PCYT2: variants seen among roughly 807,000 people sequenced by gnomAD.
PCYT2 encodes ethanolamine-phosphate cytidylyltransferase.
In PCYT2, 33 loss-of-function variants were observed where a neutral mutation model predicts 50.0. The ratio of observed to expected loss-of-function variants is 0.66; its 90% CI spans 0.50 to 0.88. The LOEUF is 0.88. PCYT2 is among the 40% of genes least tolerant of loss of function. The pLI is 0.00. For missense variants in PCYT2, 430 were observed against 519.7 expected (o/e 0.83, Z 1.68); for synonymous variants, 240 against 203.7 (o/e 1.18, Z -1.52).
In PCYT2 at chr17:81,902,998, G is replaced by A. The variant is rs1227817185; in HGVS notation, c.*1835C>T. The A allele has an allele frequency of 2.0e-6, 1 of 498,688 alleles. No homozygotes were observed. The allele number at this position is 498,688 out of a possible 1,614,324, so 30.9% of individuals were successfully genotyped here. A position where few individuals can be genotyped will look rare whatever the true frequency, so the allele number is the denominator to read the frequency against. On this transcript the variant is annotated 3_prime_UTR_variant, in exon 13 of 13. Transcript: ENST00000538936. Reference sequence around the variant, plus strand: ...GGTATGAGAAGGCAGCCGAGTGTGCGGCGGCAGGGCAAGGTTGGCCTGGGC... The same window carrying A: ...GGTATGAGAAGGCAGCCGAGTGTGCAGCGGCAGGGCAAGGTTGGCCTGGGC...
rs1293463638 is a variant in PCYT2 at position 81,901,452 on chromosome 17, A to G, written c.*3381T>C. 2.0e-5 allele frequency: 3 copies of G among 152,342 alleles called. No homozygotes were observed. Among genetic ancestry groups the G allele is most frequent in the Non-Finnish European group, 2.9e-5 (2 of 68,126 alleles). The allele number at this position is 152,342 out of a possible 1,614,324, so 9.4% of individuals were successfully genotyped here. ...GTCAAGCTGACACTCAGCATTCACC[A>G]TCACACCTGGGAAGCATGGAACCCA... On this transcript the variant is annotated 3_prime_UTR_variant, in exon 13 of 13. Coordinates refer to ENST00000538936, the MANE Select transcript of PCYT2 (RefSeq NM_002861.5).
At chr17:81,907,899 C>T (rs779048437) in intron 4 of PCYT2, 42 bp from the exon 5 acceptor site, 28 of 1,519,244 alleles carry the variant, frequency 1.8e-5, no homozygotes, top group Non-Finnish European at 2.2e-5. Flanking sequence ...CTGGGACACT[C>T]GCAAGGCTCT....
chr17:81,907,931 G>C, intron 4 of PCYT2, 74 bp from the exon 5 acceptor site: 1 of 1,250,736 alleles, frequency 8.0e-7, no homozygotes, highest in African/African-American at 1.5e-5. Context: ...CCACCACTAG[G>C]GACACTAGCA....
chr17:81,906,341 A>T, intron 8 of PCYT2, 123 bp downstream of exon 8: 1 of 1,149,836 alleles, frequency 8.7e-7, no homozygotes, highest in Non-Finnish European at 1.3e-6. Context: ...ATCACCCCCC[A>T]GGGTCTCCTG....
intron 1 of PCYT2, chr17:81,910,797 C>T (rs113129476): frequency 7.0e-5 from 51 of 732,624 alleles, no homozygotes; most frequent in Non-Finnish European, 8.2e-5. Context: ...TGCCCTCTGA[C>T]TGGCCAGGGA....
chr17:81,907,263 A>G (rs376970397), intron 6 of PCYT2: 71 of 1,532,406 alleles, frequency 4.6e-5, no homozygotes, highest in African/African-American at 2.7e-4. Flanking sequence ...GGGGGCTACA[A>G]TGGGAGAGAG....
intron 8 of PCYT2, 44 bp from the exon 9 acceptor site, chr17:81,906,221 G>C (rs780628285): frequency 1.7e-5 from 26 of 1,535,490 alleles, no homozygotes; most frequent in Non-Finnish European, 2.3e-5. Context: ...ACTTTTTGGG[G>C]GGACAGGGTG....
At position 81,905,156 on chromosome 17, in the gene PCYT2, T is replaced by G. The variant is rs1229557331; in HGVS notation, c.970-2A>C. ...GAAGATGCCCCTTCTCTTGGGCTCC[T>G]GGGGGTCCAGAGAGGAGGAGCGGGA... is the stretch of plus-strand genomic sequence containing the variant. On this transcript the variant is annotated splice_acceptor_variant, in intron 11 of 12. Coordinates refer to ENST00000538936, the MANE Select transcript of PCYT2 (RefSeq NM_002861.5). LOFTEE classifies it high-confidence loss of function. 1 of 1,610,916 alleles carries G rather than the reference T, an allele frequency of 6.2e-7. No homozygotes were observed. Among genetic ancestry groups the G allele is most frequent in the Non-Finnish European group, 8.5e-7 (1 of 1,178,430 alleles).
At chr17:81,908,535 C>T in intron 4 of PCYT2, 33 bp downstream of exon 4, 1 of 1,568,686 alleles carries the variant, frequency 6.4e-7, no homozygotes, top group Non-Finnish European at 8.8e-7. Context: ...GTGTCCAGCT[C>T]CCTGGATGGC....
intron 1 of PCYT2, among the ~76,000 whole-genome samples, chr17:81,909,921 G>C (rs1207811261): frequency 6.6e-6 from 1 of 152,184 alleles, no homozygotes; most frequent in Non-Finnish European, 1.5e-5. Flanking sequence ...AGGGCCACGT[G>C]TCCTATCCCC....
In PCYT2 at chr17:81,908,865, C is replaced by T. The variant is rs1002959895; in HGVS notation, c.340+11G>A. On this transcript the variant is annotated intron_variant, in intron 3 of 12. Coordinates refer to ENST00000538936, the MANE Select transcript of PCYT2 (RefSeq NM_002861.5). ...GTCCCCAGGCCCCCAGGTCCCAGCC[C>T]CGCCACTCACTGCCGTGAACACAGA... is the stretch of plus-strand genomic sequence containing the variant. The T allele has an allele frequency of 6.2e-7, 1 of 1,611,238 alleles. No individual in the cohort carries two copies. The highest frequency in any genetic ancestry group is 2.2e-5 in the East Asian group (1 of 44,836).
Position 81,902,287 on chromosome 17 carries a change from T to A in PCYT2, c.*2546A>T. On this transcript the variant is annotated 3_prime_UTR_variant, in exon 13 of 13. Transcript: ENST00000538936. ...GTCAGCCGGCGTCCCCATGGCCCGG[T>A]CCGCGACACTGGCGGCCGCCGCCCT... The A allele has an allele frequency of 1.5e-6, 2 of 1,318,368 alleles. No homozygotes were observed. The highest frequency in any genetic ancestry group is 1.9e-6 in the Non-Finnish European group (2 of 1,041,194). The allele number at this position is 1,318,368 out of a possible 1,614,324, so 81.7% of individuals were successfully genotyped here. A position where few individuals can be genotyped will look rare whatever the true frequency, so the allele number is the denominator to read the frequency against.
Position 81,908,552 on chromosome 17 carries a change from C to A in PCYT2, c.407+16G>T, listed in dbSNP as rs144473166. ...GTCCAGCTCCCTGGATGGCCAGGCC[C>A]GCGGTGGAGACTCACCTGTACCTCC... On this transcript the variant is annotated intron_variant, in intron 4 of 12. Coordinates refer to ENST00000538936, the MANE Select transcript of PCYT2 (RefSeq NM_002861.5). The A allele has an allele frequency of 1.2e-6, 2 of 1,605,568 alleles. No individual in the cohort carries two copies. The highest frequency in any genetic ancestry group is 1.7e-6 in the Non-Finnish European group (2 of 1,172,932).
chr17:81,907,304 C>T, intron 6 of PCYT2: 2 of 1,476,654 alleles, frequency 1.4e-6, no homozygotes, highest in African/African-American at 2.8e-5. Flanking sequence ...GGCCACCTGT[C>T]CACAGGCAAA....
At position 81,902,451 on chromosome 17, in the gene PCYT2, C is replaced by A; in HGVS notation, c.*2382G>T. The A allele has an allele frequency of 7.2e-7, 1 of 1,384,376 alleles. No individual in the cohort carries two copies. The highest frequency in any genetic ancestry group is 9.3e-7 in the Non-Finnish European group (1 of 1,078,792). 85.8% of individuals were successfully genotyped at this position (1,384,376 alleles called of 1,614,324 possible). ...CCCCGTACGCGCGGCGCTCCCAGCC[C>A]TACAGAGGGGCGGAACCCCCGGGCG... On this transcript the variant is annotated 3_prime_UTR_variant, in exon 13 of 13. Coordinates refer to ENST00000538936, the MANE Select transcript of PCYT2 (RefSeq NM_002861.5).
chr17:81,903,004 A>G lies in PCYT2; in HGVS notation c.*1829T>C. 1 of 494,506 alleles carries G rather than the reference A, an allele frequency of 2.0e-6. No homozygotes were observed. The highest frequency in any genetic ancestry group is 3.5e-6 in the Non-Finnish European group (1 of 283,406). 30.6% of individuals were successfully genotyped at this position (494,506 alleles called of 1,614,324 possible). ...AGAAGGCAGCCGAGTGTGCGGCGGC[A>G]GGGCAAGGTTGGCCTGGGCCGCCCA... On this transcript the variant is annotated 3_prime_UTR_variant, in exon 13 of 13. Transcript: ENST00000538936.
At chr17:81,908,362 A>C (rs1453238417) in intron 4 of PCYT2, among the ~76,000 whole-genome samples, 1 of 152,220 alleles carries the variant, frequency 6.6e-6, no homozygotes, top group African/African-American at 2.4e-5. Context: ...CCCTGGGGCC[A>C]TGGGTCTGCA....
Position 81,902,856 on chromosome 17 carries a change from C to G in PCYT2, c.*1977G>C. The G allele has an allele frequency of 2.1e-6, 2 of 970,126 alleles. No individual in the cohort carries two copies. The highest frequency in any genetic ancestry group is 1.5e-6 in the Non-Finnish European group (1 of 680,810). 60.1% of individuals were successfully genotyped at this position (970,126 alleles called of 1,614,324 possible). Reference sequence around the variant, plus strand: ...GGCGCCCCAGGTCTCCCCTACTCCGCTCACCCCGCAGTTAATGGCAAACGA... The same window carrying G: ...GGCGCCCCAGGTCTCCCCTACTCCGGTCACCCCGCAGTTAATGGCAAACGA... On this transcript the variant is annotated 3_prime_UTR_variant, in exon 13 of 13. Transcript: ENST00000538936.
chr17:81,909,247 C>T (rs975679416), intron 2 of PCYT2: 33 of 1,429,918 alleles, frequency 2.3e-5, no homozygotes, highest in South Asian at 1.2e-4. Flanking sequence ...TTCCTTCTGA[C>T]GAGCAGGTGC....
Sources: allele counts gnomAD v4.1 joint callset (sites outside exome capture counted in the v4.1 genomes callset), GRCh38; gene constraint gnomAD v4.1.1; transcripts MANE v1.5; gene names NCBI Gene and HGNC (gene_info 2026-07-23, HGNC 2026-07-21).